The following MATN2 variants were observed in gnomAD, a reference collection of about 807,000 sequenced individuals.
The protein encoded by MATN2 is matrilin 2.
In MATN2, 69 loss-of-function variants were observed where a neutral mutation model predicts 103.2. That is an observed-to-expected ratio of 0.67 (90% confidence interval 0.55 to 0.82). The LOEUF (loss-of-function observed/expected upper bound fraction) is 0.82, where lower values mean the gene tolerates loss of function less well. Among genes scored for constraint, MATN2 ranks in the 40% least tolerant of loss-of-function variants. The pLI, the probability that MATN2 is intolerant of heterozygous loss-of-function variation, is 0.00. For missense variants in MATN2, 1,023 were observed against 1,211.5 expected (o/e 0.84, Z 2.31); for synonymous variants, 429 against 450.2 (o/e 0.95, Z 0.60).
At chr8:98,004,596 G>A (rs1269353143) in intron 8 of MATN2, among the ~76,000 whole-genome samples, 1 of 152,222 alleles carries the variant, frequency 6.6e-6, no homozygotes, top group African/African-American at 2.4e-5. Context: ...CTGGCACAGG[G>A]TAAACTTCCA....
chr8:97,908,705 C>T (rs982524801), intron 2 of MATN2, among the ~76,000 whole-genome samples: 4 of 152,078 alleles, frequency 2.6e-5, no homozygotes, highest in African/African-American at 9.7e-5. Context: ...AATCTCGGCT[C>T]ACTGCAACCT....
At chr8:97,936,785 C>T (rs1810381431) in intron 3 of MATN2, among the ~76,000 whole-genome samples, 1 of 152,176 alleles carries the variant, frequency 6.6e-6, no homozygotes, top group Non-Finnish European at 1.5e-5. Flanking sequence ...TTGGCTCTCA[C>T]CGCAAAGGCC....
intron 1 of MATN2, among the ~76,000 whole-genome samples, chr8:97,881,618 C>T (rs1818256059): frequency 6.6e-6 from 1 of 152,174 alleles, no homozygotes; most frequent in Admixed American, 6.6e-5. Flanking sequence ...GAATTAACCT[C>T]TCTATTTCTC....
intron 6 of MATN2, among the ~76,000 whole-genome samples, chr8:97,992,910 ACT>A (rs1376199831): frequency 2.0e-5 from 3 of 148,056 alleles, no homozygotes; most frequent in African/African-American, 5.0e-5. Flanking sequence ...ATGGAGCGAG[ACT>A]CTGTCTCAAA....
chr8:97,929,244 A>T (rs891238516), intron 2 of MATN2, among the ~76,000 whole-genome samples: 1 of 152,202 alleles, frequency 6.6e-6, no homozygotes, highest in Admixed American at 6.5e-5. Flanking sequence ...CCTGGACAGG[A>T]TGACTTCATG....
chr8:97,935,661 T>C (rs1810348685), intron 3 of MATN2, among the ~76,000 whole-genome samples: 1 of 152,146 alleles, frequency 6.6e-6, no homozygotes, highest in African/African-American at 2.4e-5. Flanking sequence ...TAATTTTTAC[T>C]TTTTAAAAAA....
chr8:97,983,365 GTTC>G (rs1812088566), intron 6 of MATN2, among the ~76,000 whole-genome samples: 1 of 152,144 alleles, frequency 6.6e-6, no homozygotes, highest in Non-Finnish European at 1.5e-5. Context: ...CTTGCTTTCA[GTTC>G]TTCTGGGTTT....
chr8:97,989,092 A>G (rs1310109834), intron 6 of MATN2, among the ~76,000 whole-genome samples: 1 of 152,246 alleles, frequency 6.6e-6, no homozygotes, highest in African/African-American at 2.4e-5. Flanking sequence ...AGTCAAAACC[A>G]TATGAGCCAT....
At chr8:97,980,558 CTTTTTTTTTTTTT>C (rs71570278) in intron 6 of MATN2, among the ~76,000 whole-genome samples, 12 of 94,092 alleles carry the variant, frequency 1.3e-4, no homozygotes, top group Non-Finnish European at 2.0e-4. Context: ...TTATTCTTTC[CTTTTTTTTTTTTT>C]TTTTTTTTTT....
chr8:97,869,518 C>T lies in MATN2; in HGVS notation c.-27+231C>T, dbSNP rs192793737. On this transcript the variant is annotated intron_variant, in intron 1 of 18. Coordinates refer to ENST00000254898, the MANE Select transcript of MATN2 (RefSeq NM_002380.5). ...ACCCCTCGGCCGGGAGAGCTGGGCG[C>T]GCTCCCTGCGCAGGACAAGCCGCGC... 6.6e-3 allele frequency among the ~76,000 whole-genome samples: 1,000 copies of T among 152,260 alleles called. 11 individuals are homozygous for T. The highest frequency in any genetic ancestry group is 0.023 in the African/African-American group (965 of 41,568).
intron 3 of MATN2, among the ~76,000 whole-genome samples, chr8:97,940,219 C>T (rs1161714716): frequency 2.0e-5 from 3 of 152,126 alleles, no homozygotes; most frequent in Admixed American, 6.5e-5. Flanking sequence ...GTAGGAGAAT[C>T]GCTTCAGCTC....
chr8:97,962,363 C>G (rs1266883593), intron 5 of MATN2, among the ~76,000 whole-genome samples: 1 of 152,240 alleles, frequency 6.6e-6, no homozygotes, highest in African/African-American at 2.4e-5. Flanking sequence ...TTCGCACAAA[C>G]AGGGTATGCT....
At chr8:97,989,182 G>T (rs1274119431) in intron 6 of MATN2, among the ~76,000 whole-genome samples, 1 of 152,176 alleles carries the variant, frequency 6.6e-6, no homozygotes, top group Non-Finnish European at 1.5e-5. Flanking sequence ...AATTAGGAAT[G>T]AAGGTGGCCA....
intron 2 of MATN2, among the ~76,000 whole-genome samples, chr8:97,909,973 C>T (rs1819312720): frequency 6.6e-6 from 1 of 151,558 alleles, no homozygotes; most frequent in Non-Finnish European, 1.5e-5. Flanking sequence ...TTAGTAGAGA[C>T]GGGGTTTCAC....
At chr8:98,030,780 A>T (rs1014320221) in intron 15 of MATN2, among the ~76,000 whole-genome samples, 166 bp downstream of exon 15, 1 of 152,010 alleles carries the variant, frequency 6.6e-6, no homozygotes, top group Non-Finnish European at 1.5e-5. Context: ...CTCATGCTTC[A>T]GCCTCCCGAG....
intron 4 of MATN2, among the ~76,000 whole-genome samples, chr8:97,942,513 T>TA (rs1309999421): frequency 6.6e-6 from 1 of 152,212 alleles, no homozygotes; most frequent in Non-Finnish European, 1.5e-5. Flanking sequence ...GTCTACCCCT[T>TA]AAAGGACAGA....
chr8:97,919,616 C>T (rs1238927766), intron 2 of MATN2, among the ~76,000 whole-genome samples: 1 of 152,194 alleles, frequency 6.6e-6, no homozygotes. Flanking sequence ...GACCAGCGTT[C>T]CCAGCCCATT....
chr8:97,925,117 A>C (rs1677404436), intron 2 of MATN2, among the ~76,000 whole-genome samples: 2 of 152,138 alleles, frequency 1.3e-5, no homozygotes. Context: ...ATTTATAGAC[A>C]AAAAAAGGGA....
At chr8:97,946,150 C>T (rs1810745895) in intron 4 of MATN2, among the ~76,000 whole-genome samples, 1 of 152,202 alleles carries the variant, frequency 6.6e-6, no homozygotes, top group African/African-American at 2.4e-5. Context: ...GGGAGAAACA[C>T]ATCTTTTGAT....
Sources: gnomAD v4.1 joint callset for allele counts (sites outside exome capture counted in the v4.1 genomes callset) on GRCh38, gnomAD v4.1.1 for gene constraint, MANE v1.5 for transcripts, NCBI Gene and HGNC (gene_info 2026-07-23, HGNC 2026-07-21) for gene names.